XPO4: variants seen among roughly 807,000 people sequenced by gnomAD.
XPO4 encodes the protein exportin-4.
XPO4 carries 39 observed loss-of-function variants against 143.0 expected under a neutral mutation model. The ratio of observed to expected loss-of-function variants is 0.27; its 90% CI spans 0.21 to 0.36. The LOEUF (loss-of-function observed/expected upper bound fraction) is 0.36. Among genes scored for constraint, XPO4 ranks in the 10% least tolerant of loss-of-function variants. XPO4 has a pLI of 1.00. For missense variants in XPO4, 907 were observed against 1,348.0 expected, an observed-to-expected ratio of 0.67 and a Z score of 5.12; for synonymous variants, 439 against 474.0, an observed-to-expected ratio of 0.93 and a Z score of 0.96.
intron 12 of XPO4, 44 bp downstream of exon 12, chr13:20,808,383 GGCTTAAATT>G: frequency 1.4e-6 from 2 of 1,463,728 alleles, no homozygotes; most frequent in Non-Finnish European, 1.8e-6. Context: ...CTTCTTTTAA[GGCTTAAATT>G]GCTCAGTTGG....
intron 22 of XPO4, 86 bp downstream of exon 22, chr13:20,786,879 G>C (rs2059213153): frequency 1.9e-6 from 2 of 1,057,312 alleles, no homozygotes; most frequent in East Asian, 5.5e-5. Context: ...TCCTATAAGG[G>C]GGGATTAATG....
At chr13:20,810,930 A>G (rs1042966170) in intron 9 of XPO4, among the ~76,000 whole-genome samples, 6 of 152,244 alleles carry the variant, frequency 3.9e-5, no homozygotes, top group Admixed American at 1.3e-4. Context: ...CTGAGAAAGA[A>G]GAGAAAAATT....
At chr13:20,867,468 A>G (rs868471788) in intron 2 of XPO4, among the ~76,000 whole-genome samples, 31 of 152,360 alleles carry the variant, frequency 2.0e-4, no homozygotes, top group African/African-American at 5.8e-4. Flanking sequence ...TCACCTCACG[A>G]AACAATTTAA....
intron 1 of XPO4, among the ~76,000 whole-genome samples, chr13:20,893,748 C>T (rs1211084680): frequency 8.2e-6 from 1 of 121,482 alleles, no homozygotes; most frequent in African/African-American, 3.1e-5. Context: ...TCCTGGCTGA[C>T]AGGGTGAGAC....
At chr13:20,874,026 G>A (rs1021016012) in intron 1 of XPO4, among the ~76,000 whole-genome samples, 4 of 152,166 alleles carry the variant, frequency 2.6e-5, no homozygotes, top group Non-Finnish European at 4.4e-5. Context: ...TGCCCAAGAT[G>A]ACAAAGTTAG....
intron 5 of XPO4, 40 bp from the exon 6 acceptor site, chr13:20,843,088 TA>T (rs1159718838): frequency 1.3e-6 from 2 of 1,530,060 alleles, no homozygotes; most frequent in Non-Finnish European, 8.8e-7. Flanking sequence ...ATGAAAAATT[TA>T]TTCAAAATGT....
Position 20,852,439 on chromosome 13 carries a change from G to A in XPO4, c.456+3188C>T, listed in dbSNP as rs573488169. 5 of 985,318 alleles carry A rather than the reference G, an allele frequency of 5.1e-6. No individual in the cohort carries two copies. The East Asian group carries it at 5.7e-4, about 112-fold the overall frequency. The allele number at this position is 985,318 out of a possible 1,614,324, so 61.0% of individuals were successfully genotyped here. A position where few individuals can be genotyped will look rare whatever the true frequency, so the allele number is the denominator to read the frequency against. On this transcript the variant is annotated intron_variant, in intron 4 of 22. Transcript: ENST00000255305. ...TCTTTTTCCCCAGGCTATCGATGAT[G>A]ACCAACATTGGATAATGCACATGGC...
intron 4 of XPO4, among the ~76,000 whole-genome samples, chr13:20,854,974 G>C (rs143571744): frequency 7.9e-5 from 12 of 152,248 alleles, no homozygotes; most frequent in Admixed American, 6.5e-4. Flanking sequence ...TTCACTAGTA[G>C]CTGTCAAAGG....
chr13:20,852,478 GCAAATTCGAA>G (rs2060098791), intron 4 of XPO4: 1 of 985,360 alleles, frequency 1.0e-6, no homozygotes, highest in South Asian at 4.7e-5. Flanking sequence ...TAGTTTGGAA[GCAAATTCGAA>G]CAAATTCATA....
At chr13:20,856,948 C>CA in intron 3 of XPO4, 1 of 953,678 alleles carries the variant, frequency 1.0e-6, no homozygotes, top group African/African-American at 1.8e-5. Flanking sequence ...ATCAGCCACC[C>CA]ACTCTATGCA....
intron 3 of XPO4, among the ~76,000 whole-genome samples, chr13:20,860,814 T>C (rs559328488): frequency 3.9e-5 from 6 of 152,132 alleles, no homozygotes; most frequent in Non-Finnish European, 2.9e-5. Flanking sequence ...AGAAAAAAAT[T>C]AGCCATGTCC....
At chr13:20,883,895 G>A (rs1292847657) in intron 1 of XPO4, among the ~76,000 whole-genome samples, 2 of 152,064 alleles carry the variant, frequency 1.3e-5, no homozygotes, top group Admixed American at 6.6e-5. Context: ...AGCCTCCCGA[G>A]TAGCTGGGAT....
intron 1 of XPO4, among the ~76,000 whole-genome samples, chr13:20,895,490 G>A (rs2060559605): frequency 6.6e-6 from 1 of 151,924 alleles, no homozygotes; most frequent in South Asian, 2.1e-4. Context: ...AAATTAGCTG[G>A]GTGTGGTGGT....
At position 20,835,302 on chromosome 13, in the gene XPO4, C is replaced by T. The variant is rs540796660; in HGVS notation, c.727+7593G>A. On this transcript the variant is annotated intron_variant, in intron 6 of 22. Coordinates refer to ENST00000255305, the MANE Select transcript of XPO4 (RefSeq NM_022459.5). ...TTTACATATATGTGCTTTAAAATTC[C>T]ATCACTCTCCTTGCAATTCTATCAG... Among the ~76,000 whole-genome samples, 4 of 152,178 alleles carry T rather than the reference C, an allele frequency of 2.6e-5. No homozygotes were observed. In the East Asian group the frequency reaches 5.8e-4, roughly 22 times the overall value.
chr13:20,856,988 T>A, intron 3 of XPO4: 1 of 559,816 alleles, frequency 1.8e-6, no homozygotes, highest in Non-Finnish European at 2.3e-6. Context: ...CACTACCTGC[T>A]GCATAACATG....
At position 20,869,489 on chromosome 13, in the gene XPO4, A is replaced by G. The variant is rs990669549; in HGVS notation, c.70-788T>C. ...GGGGGCTGGAGGTAGATGGCAGGAA[A>G]ATAAACCTTTATTATTCAAACCATT... On this transcript the variant is annotated intron_variant, in intron 1 of 22. Coordinates refer to ENST00000255305, the MANE Select transcript of XPO4 (RefSeq NM_022459.5). 7 of 967,328 alleles carry G rather than the reference A, an allele frequency of 7.2e-6. No homozygotes were observed. In the African/African-American group the frequency reaches 1.2e-4, roughly 17 times the overall value. 59.9% of individuals were successfully genotyped at this position (967,328 alleles called of 1,614,324 possible).
At position 20,777,894 on chromosome 13, in the gene XPO4, T is replaced by C. The variant is rs180681606; in HGVS notation, c.*5828A>G. The C allele has an allele frequency of 6.6e-6, 1 of 152,300 alleles. No homozygotes were observed. Among genetic ancestry groups the C allele is most frequent in the Non-Finnish European group, 1.5e-5 (1 of 68,020 alleles). 9.4% of individuals were successfully genotyped at this position (152,300 alleles called of 1,614,324 possible). A position where few individuals can be genotyped will look rare whatever the true frequency, so the allele number is the denominator to read the frequency against. ...TGCTGCTGGGGGTGCTGTATGGAATTTCCCAGCAAAAGATTCTTTCATTAG... is the reference window on the plus strand; with the variant it reads ...TGCTGCTGGGGGTGCTGTATGGAATCTCCCAGCAAAAGATTCTTTCATTAG... On this transcript the variant is annotated 3_prime_UTR_variant, in exon 23 of 23. Coordinates refer to ENST00000255305, the MANE Select transcript of XPO4 (RefSeq NM_022459.5).
intron 3 of XPO4, chr13:20,857,845 C>T (rs985021628): frequency 2.0e-6 from 2 of 985,254 alleles, no homozygotes; most frequent in East Asian, 1.1e-4. Context: ...CTATGCTACA[C>T]TTGCCTCTTT....
intron 1 of XPO4, chr13:20,902,219 C>A (rs2060627799): frequency 1.0e-6 from 1 of 985,184 alleles, no homozygotes; most frequent in South Asian, 4.7e-5. Context: ...TGCGAATGCA[C>A]AGGAAACAAG....
Sources: allele counts gnomAD v4.1 joint callset (sites outside exome capture counted in the v4.1 genomes callset), GRCh38; gene constraint gnomAD v4.1.1; transcripts MANE v1.5; gene names NCBI Gene and HGNC (gene_info 2026-07-23, HGNC 2026-07-21).